VAC14: variants seen among roughly 807,000 people sequenced by gnomAD.
The protein encoded by VAC14 is protein VAC14 homolog.
VAC14 carries 47 observed loss-of-function variants against 85.3 expected under a neutral mutation model. The ratio of observed to expected loss-of-function variants is 0.55; its 90% confidence interval spans 0.44 to 0.70. VAC14 has a LOEUF of 0.70. Among genes scored for constraint, VAC14 ranks in the 30% least tolerant of loss-of-function variants. The pLI, the probability that VAC14 is intolerant of heterozygous loss-of-function variation, is 0.00. For synonymous variants in VAC14, 447 were observed against 430.5 expected (o/e 1.04, Z -0.47); for missense variants, 861 against 1,004.3 (o/e 0.86, Z 1.93).
At chr16:70,738,336 T>C (rs1430190294) in intron 13 of VAC14, among the ~76,000 whole-genome samples, 1 of 152,114 alleles carries the variant, frequency 6.6e-6, no homozygotes, top group Non-Finnish European at 1.5e-5. Flanking sequence ...TTCTCATCTG[T>C]GGGCCGGCCT....
At chr16:70,704,380 A>T (rs572191951) in intron 14 of VAC14, among the ~76,000 whole-genome samples, 1 of 152,304 alleles carries the variant, frequency 6.6e-6, no homozygotes, top group Non-Finnish European at 1.5e-5. Flanking sequence ...GGTTGGGGGC[A>T]GGGGCCACAC....
chr16:70,690,602 C>A, intron 18 of VAC14: 12 of 985,488 alleles, frequency 1.2e-5, no homozygotes, highest in Non-Finnish European at 1.4e-5. Context: ...TTGGAGCACA[C>A]AGAACCAGGG....
At chr16:70,689,816 G>A in intron 18 of VAC14, 1 of 985,502 alleles carries the variant, frequency 1.0e-6, no homozygotes, top group Non-Finnish European at 1.2e-6. Context: ...GGACCTCCCA[G>A]GCACAGTAAC....
intron 1 of VAC14, among the ~76,000 whole-genome samples, chr16:70,787,781 G>A (rs1035573254): frequency 1.4e-4 from 21 of 152,236 alleles, no homozygotes; most frequent in Admixed American, 5.2e-4. Context: ...AGCCAACCTT[G>A]TCTGGGGCCC....
intron 12 of VAC14, chr16:70,747,023 CTT>C (rs897900936): frequency 6.6e-6 from 1 of 152,206 alleles, no homozygotes; most frequent in Non-Finnish European, 1.5e-5. Context: ...GCACATCAAA[CTT>C]ATATATAAAT....
chr16:70,735,116 G>T (rs992735023), intron 13 of VAC14, among the ~76,000 whole-genome samples: 2 of 152,188 alleles, frequency 1.3e-5, no homozygotes, highest in Non-Finnish European at 2.9e-5. Context: ...ATGACGCTGT[G>T]AAGAGCTATG....
chr16:70,788,747 C>T (rs1314636485), intron 1 of VAC14, among the ~76,000 whole-genome samples: 5 of 152,204 alleles, frequency 3.3e-5, no homozygotes, highest in South Asian at 2.1e-4. Context: ...GGCCGGGCTT[C>T]GATTCCTGGC....
chr16:70,721,879 C>CA lies in VAC14; in HGVS notation c.1661+9615dup, dbSNP rs1178340926. ...GGTGCTCATGGCAGGCGTGTCCCCCCACATCAGTCTCACCATCAGGCCATC... is the reference window on the plus strand; with the variant it reads ...GGTGCTCATGGCAGGCGTGTCCCCCCAACATCAGTCTCACCATCAGGCCATC... On this transcript the variant is annotated intron_variant, in intron 14 of 18. Coordinates refer to ENST00000261776, the MANE Select transcript of VAC14 (RefSeq NM_018052.5). Among the ~76,000 whole-genome samples, 4 of 152,118 alleles carry CA rather than the reference C, an allele frequency of 2.6e-5. 1 individual carries two copies. Among genetic ancestry groups the CA allele is most frequent in the Non-Finnish European group, 5.9e-5 (4 of 68,022 alleles).
chr16:70,731,935 CAT>C (rs2054603294), intron 13 of VAC14, among the ~76,000 whole-genome samples: 1 of 152,092 alleles, frequency 6.6e-6, no homozygotes, highest in Non-Finnish European at 1.5e-5. Flanking sequence ...GTGAACATCT[CAT>C]GTGTATAAGA....
At chr16:70,737,508 T>C (rs1481051032) in intron 13 of VAC14, among the ~76,000 whole-genome samples, 5 of 152,072 alleles carry the variant, frequency 3.3e-5, no homozygotes, top group Non-Finnish European at 7.4e-5. Context: ...GAGAGTGCCA[T>C]CCCTCAGCTG....
At chr16:70,778,156 G>A (rs909630837) in intron 9 of VAC14, among the ~76,000 whole-genome samples, 1 of 152,184 alleles carries the variant, frequency 6.6e-6, no homozygotes, top group African/African-American at 2.4e-5. Context: ...ACTCTCCTGG[G>A]CAAGCAGCTG....
chr16:70,733,917 G>A (rs2054670756), intron 13 of VAC14, among the ~76,000 whole-genome samples: 2 of 152,080 alleles, frequency 1.3e-5, no homozygotes, highest in Admixed American at 1.3e-4. Flanking sequence ...CCTCCGCCCG[G>A]GTTCAAGCAA....
At chr16:70,691,178 G>A (rs1370718534) in intron 18 of VAC14, 3 of 985,426 alleles carry the variant, frequency 3.0e-6, no homozygotes, top group South Asian at 4.7e-5. Context: ...CCTGGTTTGA[G>A]GAGTCTGACT....
At chr16:70,737,867 G>A (rs921006090) in intron 13 of VAC14, among the ~76,000 whole-genome samples, 3 of 152,204 alleles carry the variant, frequency 2.0e-5, no homozygotes, top group Non-Finnish European at 4.4e-5. Context: ...ATGTGAAAAC[G>A]TCAGCCACCC....
rs1470713795 is a variant in VAC14 at position 70,781,746 on chromosome 16, C to G, written c.946+123G>C. On this transcript the variant is annotated intron_variant, in intron 8 of 18. Coordinates refer to ENST00000261776, the MANE Select transcript of VAC14 (RefSeq NM_018052.5). The stretch of plus-strand genomic sequence containing the variant: ...TTTGGCTCCATCTCTTTTTCCCGAG[C>G]TGCTAGGGACTATGGAAGTGTGATG... 6 of 1,345,150 alleles carry G rather than the reference C, an allele frequency of 4.5e-6. No homozygotes were observed. In the East Asian group the frequency reaches 9.9e-5, roughly 22 times the overall value. The allele number at this position is 1,345,150 out of a possible 1,614,324, so 83.3% of individuals were successfully genotyped here.
chr16:70,764,905 G>A (rs1302869817), intron 10 of VAC14, among the ~76,000 whole-genome samples: 2 of 152,194 alleles, frequency 1.3e-5, no homozygotes, highest in African/African-American at 4.8e-5. Flanking sequence ...CTGACGGCCA[G>A]CATTTACTGT....
intron 12 of VAC14, among the ~76,000 whole-genome samples, chr16:70,760,028 G>A (rs894483677): frequency 2.6e-5 from 4 of 152,188 alleles, no homozygotes; most frequent in Non-Finnish European, 5.9e-5. Context: ...CACAAGTGAA[G>A]GGTCTAGCGC....
intron 12 of VAC14, among the ~76,000 whole-genome samples, chr16:70,750,760 C>G (rs1207037565): frequency 6.6e-6 from 1 of 152,154 alleles, no homozygotes; most frequent in African/African-American, 2.4e-5. Context: ...TCCTTCTCTT[C>G]TCTGACTGGT....
chr16:70,784,451 G>C (rs1410415030), intron 4 of VAC14, among the ~76,000 whole-genome samples: 3 of 152,114 alleles, frequency 2.0e-5, no homozygotes, highest in Non-Finnish European at 4.4e-5. Context: ...CAACTGAATG[G>C]CAAGACCCTA....
Sources: gnomAD v4.1 joint callset for allele counts (sites outside exome capture counted in the v4.1 genomes callset) on GRCh38, gnomAD v4.1.1 for gene constraint, MANE v1.5 for transcripts, NCBI Gene and HGNC (gene_info 2026-07-23, HGNC 2026-07-21) for gene names.